PCDHA7: variants seen among roughly 807,000 people sequenced by gnomAD.
PCDHA7 encodes the protein protocadherin alpha 7.
PCDHA7 carries 37 observed loss-of-function variants against 57.2 expected under a neutral mutation model. The observed-to-expected ratio is 0.65, with a 90% confidence interval of 0.50 to 0.85. The LOEUF (loss-of-function observed/expected upper bound fraction) is 0.85. Ranked by LOEUF, PCDHA7 falls within the 40% of genes least tolerant of loss-of-function variation. The probability of loss-of-function intolerance (pLI) is 0.00; values close to 1 mark genes in which losing one functional copy is unlikely to be tolerated. For synonymous variants in PCDHA7, 553 were observed against 558.8 expected, an observed-to-expected ratio of 0.99 and a Z score of 0.15; for missense variants, 1,188 against 1,241.8, an observed-to-expected ratio of 0.96 and a Z score of 0.65.
chr5:140,983,146 G>T (rs894953025), intron 3 of PCDHA7, among the ~76,000 whole-genome samples: 3 of 152,140 alleles, frequency 2.0e-5, no homozygotes, highest in Non-Finnish European at 4.4e-5. Flanking sequence ...TAGTGCCTTG[G>T]CATGCATGTT....
intron 1 of PCDHA7, among the ~76,000 whole-genome samples, chr5:140,974,053 T>C (rs529581642): frequency 6.6e-6 from 1 of 152,346 alleles, no homozygotes; most frequent in African/African-American, 2.4e-5. Flanking sequence ...TATGATAATA[T>C]TTGGAGCAGT....
intron 1 of PCDHA7, among the ~76,000 whole-genome samples, chr5:140,891,205 A>G (rs561238636): frequency 3.3e-5 from 5 of 152,120 alleles, no homozygotes; most frequent in African/African-American, 1.2e-4. Context: ...CAGTTTTACC[A>G]TGCTGTGTCT....
At chr5:140,944,077 G>A (rs913476675) in intron 1 of PCDHA7, among the ~76,000 whole-genome samples, 1 of 152,204 alleles carries the variant, frequency 6.6e-6, no homozygotes, top group Non-Finnish European at 1.5e-5. Context: ...TAAAGATAAA[G>A]GAGGCCTGAG....
intron 1 of PCDHA7, chr5:140,876,569 G>C (rs1554168675): frequency 6.2e-7 from 1 of 1,614,186 alleles, no homozygotes; most frequent in Admixed American, 1.7e-5. Flanking sequence ...GCTCAGGTGG[G>C]TACCGTCATT....
At chr5:140,861,641 G>T (rs193008750) in intron 1 of PCDHA7, 38 of 298,444 alleles carry the variant, frequency 1.3e-4, no homozygotes, top group Admixed American at 1.2e-3. Flanking sequence ...CAACACAAAA[G>T]AATCTGTTTC....
chr5:140,876,875 A>G, intron 1 of PCDHA7: 1 of 1,613,762 alleles, frequency 6.2e-7, no homozygotes, highest in Admixed American at 1.7e-5. Flanking sequence ...AAGGAGAACA[A>G]CCCGCCGGGC....
intron 1 of PCDHA7, chr5:140,968,917 T>G: frequency 6.2e-7 from 1 of 1,614,216 alleles, no homozygotes; most frequent in Non-Finnish European, 8.5e-7. Flanking sequence ...CAGTGTCTTT[T>G]ATATTTCTTT....
intron 1 of PCDHA7, among the ~76,000 whole-genome samples, chr5:140,976,072 T>C (rs1193049661): frequency 6.6e-6 from 1 of 152,250 alleles, no homozygotes; most frequent in South Asian, 2.1e-4. Context: ...TGTCTTACTG[T>C]GTCAGATATA....
intron 1 of PCDHA7, among the ~76,000 whole-genome samples, chr5:140,879,506 A>T (rs1156992401): frequency 1.3e-5 from 2 of 152,224 alleles, no homozygotes; most frequent in Non-Finnish European, 2.9e-5. Context: ...CTCAGAAGAG[A>T]TTATTGATAT....
At chr5:140,925,257 C>A (rs1336613869) in intron 1 of PCDHA7, among the ~76,000 whole-genome samples, 2 of 152,110 alleles carry the variant, frequency 1.3e-5, no homozygotes, top group East Asian at 3.8e-4. Context: ...AACTTTAATT[C>A]TTGATCTGTG....
intron 1 of PCDHA7, chr5:140,967,767 A>G (rs782195052): frequency 1.2e-6 from 2 of 1,614,216 alleles, no homozygotes; most frequent in East Asian, 2.2e-5. Context: ...TACCAGATCT[A>G]TGTGCAGGCG....
At chr5:140,875,428 C>T (rs782761347) in intron 1 of PCDHA7, 1 of 1,537,796 alleles carries the variant, frequency 6.5e-7, no homozygotes, top group Non-Finnish European at 8.7e-7. Context: ...GGCAAGCGAT[C>T]CCTTAAAACT....
chr5:140,841,226 G>C (rs892482314), intron 1 of PCDHA7: 17 of 1,452,002 alleles, frequency 1.2e-5, no homozygotes, highest in African/African-American at 2.9e-5. Flanking sequence ...GCCGAACAAC[G>C]GGAGATGCAG....
rs1554149241 is a variant in PCDHA7, at chr5:140,856,873, A to C, written c.2355+20135A>C. The C allele has an allele frequency of 1.9e-6, 3 of 1,595,922 alleles. 1 individual carries two copies. The African/African-American group carries it at 4.0e-5, about 21-fold the overall frequency. On this transcript the variant is annotated intron_variant, in intron 1 of 3. Transcript: ENST00000525929. ...ATTCGGATGAAGGAATAAACAAGGA[A>C]ATGATGTATTCATTTAGCTCTTTGG...
chr5:140,902,316 G>C (rs2069370797), intron 1 of PCDHA7, among the ~76,000 whole-genome samples: 1 of 151,402 alleles, frequency 6.6e-6, no homozygotes, highest in Non-Finnish European at 1.5e-5. Context: ...GGGATTACAG[G>C]TGTAACTCAC....
chr5:140,888,640 A>G (rs2153424746), intron 1 of PCDHA7, among the ~76,000 whole-genome samples: 1 of 152,282 alleles, frequency 6.6e-6, no homozygotes, highest in East Asian at 1.9e-4. Context: ...TTACAGCAAT[A>G]CTTTCCTGAG....
chr5:140,853,323 A>T (rs191492772), intron 1 of PCDHA7: 1 of 984,966 alleles, frequency 1.0e-6, no homozygotes, highest in African/African-American at 1.8e-5. Context: ...TAATAAATTT[A>T]TCTTTTGAGG....
chr5:140,989,552 G>A (rs975079697), intron 3 of PCDHA7, among the ~76,000 whole-genome samples: 33 of 152,180 alleles, frequency 2.2e-4, no homozygotes, highest in African/African-American at 7.7e-4. Context: ...ATTCCTTTAC[G>A]TTTTGTGGCT....
intron 1 of PCDHA7, chr5:140,869,400 C>T (rs782134920): frequency 1.2e-6 from 2 of 1,614,026 alleles, no homozygotes; most frequent in African/African-American, 2.7e-5. Flanking sequence ...GCGGGCAGAG[C>T]GCGGAGTGCA....
Sources: allele counts gnomAD v4.1 joint callset (sites outside exome capture counted in the v4.1 genomes callset), GRCh38; gene constraint gnomAD v4.1.1; transcripts MANE v1.5; gene names NCBI Gene and HGNC (gene_info 2026-07-23, HGNC 2026-07-21).